The following PSMD14 variants were observed in gnomAD, a reference collection of about 807,000 sequenced individuals.
PSMD14 encodes the protein proteasome 26S subunit, non-ATPase 14.
In PSMD14, 7 loss-of-function variants were observed where a neutral mutation model predicts 41.2. The ratio of observed to expected loss-of-function variants is 0.17; its 90% CI spans 0.10 to 0.32. The LOEUF is 0.32. Ranked by LOEUF, PSMD14 falls within the 10% of genes least tolerant of loss-of-function variation. PSMD14 has a pLI of 1.00. For synonymous variants in PSMD14, 114 were observed against 122.3 expected (o/e 0.93, Z 0.45); for missense variants, 139 against 375.6 (o/e 0.37, Z 5.21).
intron 3 of PSMD14, among the ~76,000 whole-genome samples, chr2:161,329,208 A>G (rs1371418509): frequency 6.6e-6 from 1 of 152,154 alleles, no homozygotes; most frequent in South Asian, 2.1e-4. Context: ...TGAAGCTACC[A>G]CAATAATGTT....
At chr2:161,385,899 C>T (rs1683629209) in intron 8 of PSMD14, among the ~76,000 whole-genome samples, 1 of 151,662 alleles carries the variant, frequency 6.6e-6, no homozygotes, top group Non-Finnish European at 1.5e-5. Context: ...AAGGATGTAA[C>T]TATTATCATT....
intron 3 of PSMD14, among the ~76,000 whole-genome samples, chr2:161,359,837 T>C (rs1012645904): frequency 2.0e-5 from 3 of 152,206 alleles, no homozygotes; most frequent in African/African-American, 7.2e-5. Flanking sequence ...GGAAAGTATA[T>C]TACTAGCGTC....
chr2:161,405,521 T>C (rs1269349460), intron 10 of PSMD14, among the ~76,000 whole-genome samples: 1 of 152,104 alleles, frequency 6.6e-6, no homozygotes, highest in Non-Finnish European at 1.5e-5. Context: ...TTTATTGAGA[T>C]GTTTTAAGGA....
intron 10 of PSMD14, among the ~76,000 whole-genome samples, chr2:161,397,589 A>G (rs1683819145): frequency 6.6e-6 from 1 of 152,228 alleles, no homozygotes; most frequent in Non-Finnish European, 1.5e-5. Flanking sequence ...GTTGTTGGTT[A>G]TTACACCAAA....
intron 3 of PSMD14, among the ~76,000 whole-genome samples, chr2:161,327,887 AAC>A (rs1682723258): frequency 1.3e-5 from 2 of 150,934 alleles, no homozygotes; most frequent in African/African-American, 4.9e-5. Flanking sequence ...TTAAAAAACA[AAC>A]AAACCTGTGG....
intron 3 of PSMD14, among the ~76,000 whole-genome samples, chr2:161,363,206 C>G (rs1366683425): frequency 2.0e-5 from 3 of 152,180 alleles, no homozygotes; most frequent in Non-Finnish European, 4.4e-5. Context: ...TGAGGTGAAA[C>G]AGTTTCATCT....
chr2:161,338,772 T>C (rs1682905987), intron 3 of PSMD14, among the ~76,000 whole-genome samples: 1 of 152,204 alleles, frequency 6.6e-6, no homozygotes, highest in Non-Finnish European at 1.5e-5. Flanking sequence ...TCCATCATTC[T>C]CAGAATTTAC....
chr2:161,320,981 C>T (rs1429005163), intron 3 of PSMD14, among the ~76,000 whole-genome samples: 2 of 152,174 alleles, frequency 1.3e-5, no homozygotes, highest in African/African-American at 4.8e-5. Context: ...CTGCCTCGGC[C>T]TCCCAAAGTG....
At chr2:161,373,096 C>T (rs1398890047) in intron 7 of PSMD14, among the ~76,000 whole-genome samples, 1 of 151,346 alleles carries the variant, frequency 6.6e-6, no homozygotes, top group East Asian at 1.9e-4. Context: ...TTTTAGTTTC[C>T]AAACCTAGTT....
chr2:161,352,621 G>T (rs116730965), intron 3 of PSMD14, among the ~76,000 whole-genome samples: 86 of 152,098 alleles, frequency 5.7e-4, no homozygotes, highest in African/African-American at 2.1e-3. Flanking sequence ...CTGCCATCCA[G>T]TTTCCCAAGT....
At chr2:161,373,258 A>G (rs1683463645) in intron 7 of PSMD14, among the ~76,000 whole-genome samples, 1 of 151,916 alleles carries the variant, frequency 6.6e-6, no homozygotes, top group South Asian at 2.1e-4. Flanking sequence ...ATGAAATCAT[A>G]TGTATCACTG....
chr2:161,365,401 G>A (rs553502357), intron 3 of PSMD14, among the ~76,000 whole-genome samples: 2 of 152,088 alleles, frequency 1.3e-5, no homozygotes, highest in African/African-American at 2.4e-5. Flanking sequence ...ACTTTTCTAA[G>A]TACTGGTTAT....
chr2:161,331,510 G>A (rs1381143636), intron 3 of PSMD14, among the ~76,000 whole-genome samples: 3 of 152,000 alleles, frequency 2.0e-5, no homozygotes, highest in African/African-American at 4.8e-5. Context: ...TGCCTGCCTC[G>A]GCCTACCAAA....
chr2:161,316,752 A>G (rs999941480), intron 2 of PSMD14, among the ~76,000 whole-genome samples, 183 bp downstream of exon 2: 2 of 152,212 alleles, frequency 1.3e-5, no homozygotes, highest in Admixed American at 6.5e-5. Context: ...TAGTATTTTT[A>G]TTAAACCTGG....
intron 9 of PSMD14, among the ~76,000 whole-genome samples, chr2:161,394,157 C>T (rs537601617): frequency 1.3e-5 from 2 of 151,330 alleles, no homozygotes; most frequent in Non-Finnish European, 1.5e-5. Context: ...TTTTTAGTAG[C>T]GACAGGCTTT....
chr2:161,338,680 C>T (rs190836457), intron 3 of PSMD14, among the ~76,000 whole-genome samples: 77 of 151,970 alleles, frequency 5.1e-4, no homozygotes, highest in Admixed American at 9.2e-4. Context: ...ATACAGTAAA[C>T]GATAATATTT....
At chr2:161,381,642 ATAAAT>A (rs1683572436) in intron 7 of PSMD14, 2 of 151,926 alleles carry the variant, frequency 1.3e-5, no homozygotes, top group Admixed American at 1.3e-4. Flanking sequence ...AAATTTTAAA[ATAAAT>A]AGCATATTGG....
chr2:161,378,558 C>T (rs1223004845), intron 7 of PSMD14, among the ~76,000 whole-genome samples: 3 of 151,890 alleles, frequency 2.0e-5, no homozygotes, highest in African/African-American at 7.2e-5. Flanking sequence ...GTGCCACTTA[C>T]TCTGTTACAG....
intron 3 of PSMD14, among the ~76,000 whole-genome samples, chr2:161,339,766 C>T (rs1331829984): frequency 6.6e-6 from 1 of 152,270 alleles, no homozygotes; most frequent in Admixed American, 6.5e-5. Context: ...GTGGCTGTTG[C>T]CATGTGGCCT....
Sources: gnomAD v4.1 joint callset for allele counts (sites outside exome capture counted in the v4.1 genomes callset) on GRCh38, gnomAD v4.1.1 for gene constraint, MANE v1.5 for transcripts, NCBI Gene and HGNC (gene_info 2026-07-23, HGNC 2026-07-21) for gene names.